UNC79: variants seen among roughly 807,000 people sequenced by gnomAD.
UNC79 encodes the protein unc-79 subunit of NALCN channel complex.
Under a neutral mutation model 283.1 loss-of-function variants are expected in UNC79, and 37 were observed. That is an observed-to-expected ratio of 0.13 (90% CI 0.10 to 0.17). The LOEUF is 0.17. Ranked by LOEUF, UNC79 falls within the 10% of genes least tolerant of loss-of-function variation. The pLI, the probability that UNC79 is intolerant of heterozygous loss-of-function variation, is 1.00. For synonymous variants in UNC79, 1,107 were observed against 1,200.2 expected (o/e 0.92, Z 1.61); for missense variants, 2,272 against 3,211.1 (o/e 0.71, Z 7.07).
At chr14:93,693,033 A>T (rs781107960) in intron 46 of UNC79, among the ~76,000 whole-genome samples, 35 of 152,224 alleles carry the variant, frequency 2.3e-4, no homozygotes, top group Non-Finnish European at 3.8e-4. Context: ...TTTTTAATTG[A>T]TAGAATAATA....
intron 29 of UNC79, 27 bp downstream of exon 30, chr14:93,618,381 C>A: frequency 6.3e-7 from 1 of 1,582,658 alleles, no homozygotes; most frequent in Non-Finnish European, 8.6e-7. Context: ...TATCCCAAAC[C>A]TAGCTTCAAT....
chr14:93,600,650 C>T (rs372981771), exon 25 of UNC79: 1 of 1,613,706 alleles, frequency 6.2e-7, no homozygotes, highest in Non-Finnish European at 8.5e-7. Flanking sequence ...TTTACTCTTG[C>T]ACTTTCTTAA....
At chr14:93,381,205 A>C (rs538296774) in intron 1 of UNC79, among the ~76,000 whole-genome samples, 1 of 152,214 alleles carries the variant, frequency 6.6e-6, no homozygotes, top group Non-Finnish European at 1.5e-5. Flanking sequence ...CTGGTTTTGT[A>C]ATCTTTAGCT....
chr14:93,452,631 A>G (rs1389847484), intron 1 of UNC79, among the ~76,000 whole-genome samples: 1 of 151,754 alleles, frequency 6.6e-6, no homozygotes, highest in Non-Finnish European at 1.5e-5. Flanking sequence ...CAGATGACCC[A>G]CCCGCCTCGG....
chr14:93,383,791 G>T (rs1475643461), intron 1 of UNC79, among the ~76,000 whole-genome samples: 1 of 152,126 alleles, frequency 6.6e-6, no homozygotes, highest in Non-Finnish European at 1.5e-5. Context: ...ATGTGTCATG[G>T]GAGGAACTCA....
intron 14 of UNC79, among the ~76,000 whole-genome samples, chr14:93,568,558 C>T (rs894893069): frequency 6.6e-6 from 1 of 152,018 alleles, no homozygotes; most frequent in Non-Finnish European, 1.5e-5. Flanking sequence ...GCTGTAATCC[C>T]AGCTTGGGAG....
At chr14:93,345,146 C>T (rs184826777) in intron 1 of UNC79, among the ~76,000 whole-genome samples, 10 of 152,114 alleles carry the variant, frequency 6.6e-5, no homozygotes, top group East Asian at 3.8e-4. Context: ...TTCCATCATA[C>T]GAGGACACAA....
At chr14:93,509,291 A>G (rs1259424313) in intron 7 of UNC79, among the ~76,000 whole-genome samples, 1 of 152,160 alleles carries the variant, frequency 6.6e-6, no homozygotes, top group African/African-American at 2.4e-5. Context: ...AATCCAAATC[A>G]TATAATTCCA....
chr14:93,577,919 G>C (rs140433326), exon 18 of UNC79: 1 of 1,614,152 alleles, frequency 6.2e-7, no homozygotes, highest in South Asian at 1.1e-5. Flanking sequence ...TCCAGAGTCC[G>C]TTTCGGAGTC....
chr14:93,651,279 T>G (rs2070226832), intron 35 of UNC79, among the ~76,000 whole-genome samples: 1 of 152,200 alleles, frequency 6.6e-6, no homozygotes, highest in Non-Finnish European at 1.5e-5. Flanking sequence ...ATTCTTTACA[T>G]TTTCATATAA....
At chr14:93,613,173 C>A in intron 27 of UNC79, 90 bp downstream of exon 28, 1 of 1,529,052 alleles carries the variant, frequency 6.5e-7, no homozygotes. Context: ...GTTGGTTCAG[C>A]ATAAAGGTTT....
At chr14:93,475,689 C>G (rs1436018978) in intron 3 of UNC79, among the ~76,000 whole-genome samples, 1 of 152,150 alleles carries the variant, frequency 6.6e-6, no homozygotes, top group Non-Finnish European at 1.5e-5. Context: ...ACTACTAGTC[C>G]TGAACTCACC....
At chr14:93,612,998 A>C in exon 27 of UNC79, 1 of 1,614,212 alleles carries the variant, frequency 6.2e-7, no homozygotes. Flanking sequence ...CTCGGCTATG[A>C]CCAGCAGGAA....
At chr14:93,487,618 A>G (rs758156237) in intron 4 of UNC79, 45 bp from the exon 5 acceptor site, 1 of 1,508,876 alleles carries the variant, frequency 6.6e-7, no homozygotes, top group East Asian at 2.3e-5. Flanking sequence ...TAACAGGTAT[A>G]TGTAGAGATT....
intron 1 of UNC79, among the ~76,000 whole-genome samples, chr14:93,401,954 C>G (rs1199073585): frequency 6.6e-6 from 1 of 152,046 alleles, no homozygotes; most frequent in Non-Finnish European, 1.5e-5. Flanking sequence ...GTATCCAATT[C>G]AAGATTCCAC....
chr14:93,444,482 C>T (rs1340010108), intron 1 of UNC79, among the ~76,000 whole-genome samples: 1 of 151,960 alleles, frequency 6.6e-6, no homozygotes, highest in Non-Finnish European at 1.5e-5. Context: ...CTTTTGGTAT[C>T]CTGTTTATGG....
At chr14:93,504,805 C>T (rs1167441696) in intron 7 of UNC79, among the ~76,000 whole-genome samples, 1 of 151,924 alleles carries the variant, frequency 6.6e-6, no homozygotes, top group African/African-American at 2.4e-5. Context: ...TTGAATAATA[C>T]ACATTTAATA....
intron 14 of UNC79, among the ~76,000 whole-genome samples, chr14:93,567,331 T>C (rs562236029): frequency 6.6e-6 from 1 of 152,352 alleles, no homozygotes; most frequent in African/African-American, 2.4e-5. Flanking sequence ...GTTCAAGCGA[T>C]TCTCCTGCCT....
chr14:93,493,410 T>G, intron 5 of UNC79, among the ~76,000 whole-genome samples: 1 of 152,114 alleles, frequency 6.6e-6, no homozygotes. Context: ...CGGCTTTGAG[T>G]GGGCTGTGGT....
Sources: allele counts gnomAD v4.1 joint callset (sites outside exome capture counted in the v4.1 genomes callset), GRCh38; gene constraint gnomAD v4.1.1; transcripts MANE v1.5; gene names NCBI Gene and HGNC (gene_info 2026-07-23, HGNC 2026-07-21).